LRFN5: variants seen among roughly 807,000 people sequenced by gnomAD.
The protein encoded by LRFN5 is leucine-rich repeat and fibronectin type-III domain-containing protein 5.
Under a neutral mutation model 45.6 loss-of-function variants are expected in LRFN5, and 24 were observed. The ratio of observed to expected loss-of-function variants is 0.53; its 90% CI spans 0.38 to 0.74. The LOEUF is 0.74. Among genes scored for constraint, LRFN5 ranks in the 30% least tolerant of loss-of-function variants. The probability of loss-of-function intolerance (pLI) is 0.00; values close to 1 mark genes in which losing one functional copy is unlikely to be tolerated. For synonymous variants in LRFN5, 340 were observed against 313.8 expected (o/e 1.08, Z -0.88); for missense variants, 776 against 861.5 (o/e 0.90, Z 1.24).
intron 1 of LRFN5, among the ~76,000 whole-genome samples, chr14:41,766,486 T>A (rs1007014169): frequency 6.6e-6 from 1 of 152,336 alleles, no homozygotes; most frequent in East Asian, 1.9e-4. Flanking sequence ...GTCATATGAC[T>A]CGTAAGTAGT....
rs577907762 is a variant in LRFN5 at position 41,816,908 on chromosome 14, A to T, written c.-21+49879A>T. Among the ~76,000 whole-genome samples the T allele has an allele frequency of 6.1e-5, 9 of 146,584 alleles. No individual in the cohort carries two copies. The South Asian group carries it at 1.9e-3, about 31-fold the overall frequency. On this transcript the variant is annotated intron_variant, in intron 2 of 5. Transcript: ENST00000298119. ...TTTTTCTAGAATTCCTGTGACACAC[A>T]TGTTATACCATTTGTAATTATTTCT...
chr14:41,700,630 G>A (rs907930529), intron 1 of LRFN5: 2 of 152,066 alleles, frequency 1.3e-5, no homozygotes, highest in Admixed American at 1.3e-4. Context: ...ATGCAAACCG[G>A]TTTTTGAACT....
intron 2 of LRFN5, among the ~76,000 whole-genome samples, chr14:41,819,613 T>G (rs1428172689): frequency 6.6e-6 from 1 of 152,076 alleles, no homozygotes; most frequent in Non-Finnish European, 1.5e-5. Context: ...GAGCTTTTAC[T>G]CATGGCAGAA....
chr14:41,771,718 C>A (rs1026628008), intron 2 of LRFN5, among the ~76,000 whole-genome samples: 1 of 152,124 alleles, frequency 6.6e-6, no homozygotes, highest in Non-Finnish European at 1.5e-5. Context: ...TCTTCACCAT[C>A]CATATCTCTG....
intron 4 of LRFN5, chr14:41,893,946 A>T: frequency 1.0e-6 from 1 of 985,242 alleles, no homozygotes; most frequent in Non-Finnish European, 1.2e-6. Context: ...AGCAGCACTC[A>T]GAGTGAAATA....
At chr14:41,759,950 A>G (rs1397477524) in intron 1 of LRFN5, among the ~76,000 whole-genome samples, 2 of 152,238 alleles carry the variant, frequency 1.3e-5, no homozygotes, top group Non-Finnish European at 1.5e-5. Context: ...AGTCGTGGAA[A>G]TAACACAGAG....
chr14:41,757,244 T>C (rs1885439027), intron 1 of LRFN5, among the ~76,000 whole-genome samples: 1 of 152,180 alleles, frequency 6.6e-6, no homozygotes. Context: ...TTCTCAGATC[T>C]CCAGCTGCGT....
chr14:41,859,602 G>T (rs1348336440), intron 2 of LRFN5, among the ~76,000 whole-genome samples: 1 of 152,174 alleles, frequency 6.6e-6, no homozygotes, highest in Admixed American at 6.5e-5. Flanking sequence ...CCATATTTAG[G>T]TAGTGCTATA....
At chr14:41,653,463 T>G (rs1047883343) in intron 1 of LRFN5, among the ~76,000 whole-genome samples, 1 of 152,122 alleles carries the variant, frequency 6.6e-6, no homozygotes, top group Non-Finnish European at 1.5e-5. Flanking sequence ...GAGAAATAAA[T>G]TTCTGTTTTT....
intron 1 of LRFN5, among the ~76,000 whole-genome samples, chr14:41,611,226 T>C (rs750224601): frequency 3.9e-5 from 6 of 152,278 alleles, no homozygotes; most frequent in Non-Finnish European, 4.4e-5. Flanking sequence ...TTGGTGCAGA[T>C]TGGAGTTAGG....
Position 41,891,778 on chromosome 14 carries a change from T to C in LRFN5, c.1914T>C (p.Ser638=), listed in dbSNP as rs761074704. 10 of 1,614,050 alleles carry C rather than the reference T, an allele frequency of 6.2e-6. No homozygotes were observed. The East Asian group carries it at 2.0e-4, about 32-fold the overall frequency. Residue 638 remains serine, a synonymous_variant, in exon 4 of 6, where the codon TCT becomes TCC. Transcript: ENST00000298119. ...ALPPSWTSST[S]VSQKQKRKTG... ...CTCCTTCCTGGACTTCAAGCACTTC[T>C]GTGTCCCAAAAGCAGAAAAGAAAGA...
intron 1 of LRFN5, among the ~76,000 whole-genome samples, chr14:41,750,990 A>G (rs752180117): frequency 1.3e-5 from 2 of 152,024 alleles, no homozygotes; most frequent in Non-Finnish European, 2.9e-5. Context: ...ACGTCCCGAC[A>G]GGCCCCAGTG....
chr14:41,887,758 C>A lies in LRFN5; in HGVS notation c.1133C>A (p.Pro378His). 1 of 1,613,940 alleles carries A rather than the reference C, an allele frequency of 6.2e-7. No individual in the cohort carries two copies. The highest frequency in any genetic ancestry group is 1.1e-5 in the South Asian group (1 of 91,078). The change falls in exon 3 of 6, where the codon CCT (proline) becomes CAT (histidine). Residue 378 changes from proline (P) to histidine (H), a missense_variant. By Grantham distance (77) the Pro-to-His change is moderately conservative. This residue lies in a region of LRFN5 where 465 missense variants were observed against 456.4 expected (regional missense o/e 1.02). Transcript: ENST00000298119. This position sits in a 1 kb window ranked among gnomAD's most constrained non-coding sequence, Gnocchi z 4.8. ...GTGGATCTTCATATAATTAAGCTCC[C>A]TCACTTACTAAATAGTACAAACCAT... ...QIVDLHIIKL[P>H]HLLNSTNHIH...
intron 1 of LRFN5, among the ~76,000 whole-genome samples, chr14:41,690,653 GGACA>G (rs1566622973): frequency 6.6e-6 from 1 of 152,044 alleles, no homozygotes; most frequent in Non-Finnish European, 1.5e-5. Context: ...ACTTAATAAA[GGACA>G]TCTATGAAAA....
chr14:41,812,244 A>C (rs1887761856), intron 2 of LRFN5, among the ~76,000 whole-genome samples: 1 of 152,082 alleles, frequency 6.6e-6, no homozygotes, highest in Non-Finnish European at 1.5e-5. Context: ...ATTGTTTTAA[A>C]ACAAAATGAT....
At chr14:41,656,319 T>G (rs190954792) in intron 1 of LRFN5, among the ~76,000 whole-genome samples, 14 of 152,152 alleles carry the variant, frequency 9.2e-5, no homozygotes, top group African/African-American at 3.1e-4. Context: ...CTGAGAAGAC[T>G]CTTTATGCTA....
At chr14:41,769,148 A>G (rs1042602670) in intron 2 of LRFN5, among the ~76,000 whole-genome samples, 3 of 152,256 alleles carry the variant, frequency 2.0e-5, no homozygotes, top group African/African-American at 7.2e-5. Context: ...GCTCATTGAA[A>G]ATTCATAGGA....
chr14:41,736,463 T>G (rs962920497), intron 1 of LRFN5, among the ~76,000 whole-genome samples: 1 of 152,210 alleles, frequency 6.6e-6, no homozygotes, highest in African/African-American at 2.4e-5. Context: ...TCTTGTAAAT[T>G]TGTTTAAGTT....
chr14:41,762,021 A>G (rs142348723), intron 1 of LRFN5, among the ~76,000 whole-genome samples: 1,984 of 151,634 alleles, frequency 0.013, 14 homozygotes, highest in Middle Eastern at 0.037. Flanking sequence ...TCTTTTTTGT[A>G]TGTGGTGAGA....
Sources: gnomAD v4.1 joint callset for allele counts (sites outside exome capture counted in the v4.1 genomes callset) on GRCh38, gnomAD v4.1.1 for gene constraint, gnomAD v4.1.1 regional missense constraint, Gnocchi (gnomAD v3.1) non-coding constraint, MANE v1.5 for transcripts, NCBI Gene and HGNC (gene_info 2026-07-23, HGNC 2026-07-21) for gene names.